The following STXBP5L variants were observed in gnomAD, a reference collection of about 807,000 sequenced individuals.
STXBP5L encodes syntaxin-binding protein 5-like.
STXBP5L carries 65 observed loss-of-function variants against 144.5 expected under a neutral mutation model. The ratio of observed to expected loss-of-function variants is 0.45; its 90% CI spans 0.37 to 0.55. The LOEUF (loss-of-function observed/expected upper bound fraction) is 0.55, where lower values mean the gene tolerates loss of function less well. STXBP5L is among the 20% of genes least tolerant of loss of function. The pLI is 0.00. For missense variants in STXBP5L, 1,298 were observed against 1,405.5 expected (o/e 0.92, Z 1.22); for synonymous variants, 505 against 469.6 (o/e 1.08, Z -0.97).
chr3:120,944,273 A>T (rs1280219783), intron 2 of STXBP5L, among the ~76,000 whole-genome samples: 1 of 151,596 alleles, frequency 6.6e-6, no homozygotes, highest in Non-Finnish European at 1.5e-5. Context: ...AAGAGCAAAA[A>T]ATATTGAAAA....
chr3:120,971,216 T>A (rs1028906989), intron 3 of STXBP5L, among the ~76,000 whole-genome samples: 2 of 152,130 alleles, frequency 1.3e-5, no homozygotes, highest in Admixed American at 1.3e-4. Flanking sequence ...TCAGTTGCTT[T>A]TACAATTTTA....
intron 3 of STXBP5L, among the ~76,000 whole-genome samples, chr3:120,957,390 C>T (rs923667327): frequency 1.3e-5 from 2 of 151,950 alleles, no homozygotes; most frequent in African/African-American, 2.4e-5. Context: ...ATGATTCCCA[C>T]TTGATAATGA....
chr3:121,004,473 A>G lies in STXBP5L; in HGVS notation c.288-37227A>G, dbSNP rs1280240127. On this transcript the variant is annotated intron_variant, in intron 3 of 26. Coordinates refer to ENST00000471454, the MANE Select transcript of STXBP5L (RefSeq NM_001308330.2). ...GGGCTGAGACAATGGGGTTTTCTAG[A>G]TATACAATCATGTCGTCTGCAAACA... 2.6e-5 allele frequency among the ~76,000 whole-genome samples: 4 copies of G among 151,848 alleles called. No homozygotes were observed. The East Asian group carries it at 5.8e-4, about 22-fold the overall frequency.
chr3:120,952,014 A>T (rs1711274275), intron 2 of STXBP5L, among the ~76,000 whole-genome samples: 1 of 151,774 alleles, frequency 6.6e-6, no homozygotes, highest in Non-Finnish European at 1.5e-5. Context: ...AGGGACATGG[A>T]TGAAACTGGA....
chr3:121,296,403 T>C (rs2051650125), intron 19 of STXBP5L, among the ~76,000 whole-genome samples: 2 of 152,148 alleles, frequency 1.3e-5, no homozygotes, highest in Admixed American at 6.5e-5. Flanking sequence ...ATATTTCAAA[T>C]ATAAGTGAAA....
chr3:121,183,637 GGAAAGAAAGAAAAAA>G (rs2047249906), intron 9 of STXBP5L, among the ~76,000 whole-genome samples: 1 of 149,268 alleles, frequency 6.7e-6, no homozygotes, highest in Non-Finnish European at 1.5e-5. Context: ...GAGGGAGGAA[GGAAAGAAAGAAAAAA>G]GAAAGAAAGA....
chr3:120,999,262 A>T (rs1943586746), intron 3 of STXBP5L, among the ~76,000 whole-genome samples: 1 of 152,176 alleles, frequency 6.6e-6, no homozygotes, highest in African/African-American at 2.4e-5. Context: ...CGTGTTGGCC[A>T]GGCTTGTCTT....
chr3:121,026,806 C>A (rs1280853382), intron 3 of STXBP5L, among the ~76,000 whole-genome samples: 1 of 151,734 alleles, frequency 6.6e-6, no homozygotes, highest in Non-Finnish European at 1.5e-5. Context: ...TGTAACAAAC[C>A]TTCACGTTGT....
chr3:121,318,891 G>T (rs1328446371), intron 20 of STXBP5L, among the ~76,000 whole-genome samples: 1 of 152,082 alleles, frequency 6.6e-6, no homozygotes, highest in African/African-American at 2.4e-5. Context: ...GAATTAGTGG[G>T]AAATATACAG....
intron 5 of STXBP5L, among the ~76,000 whole-genome samples, chr3:121,082,509 A>G (rs2042298334): frequency 6.6e-6 from 1 of 152,218 alleles, no homozygotes; most frequent in Non-Finnish European, 1.5e-5. Flanking sequence ...CTTGGGACCC[A>G]TTCCATTGGA....
At chr3:120,941,809 T>C (rs1710581441) in intron 2 of STXBP5L, among the ~76,000 whole-genome samples, 1 of 151,708 alleles carries the variant, frequency 6.6e-6, no homozygotes, top group Non-Finnish European at 1.5e-5. Flanking sequence ...GTTTAGAACT[T>C]ATTTGGGGAG....
intron 7 of STXBP5L, among the ~76,000 whole-genome samples, chr3:121,143,386 C>T (rs1243082031): frequency 6.6e-6 from 1 of 150,604 alleles, no homozygotes; most frequent in Admixed American, 6.6e-5. Flanking sequence ...GAAAATAAAA[C>T]TGTAGGTGAA....
At chr3:121,144,573 T>G (rs895216702) in intron 7 of STXBP5L, among the ~76,000 whole-genome samples, 18 of 151,838 alleles carry the variant, frequency 1.2e-4, no homozygotes, top group African/African-American at 4.3e-4. Flanking sequence ...CCTCAAAAAA[T>G]TAAAAATAGA....
At chr3:121,090,101 C>A (rs973312600) in intron 5 of STXBP5L, among the ~76,000 whole-genome samples, 1 of 152,016 alleles carries the variant, frequency 6.6e-6, no homozygotes, top group Admixed American at 6.6e-5. Flanking sequence ...TGAGGTTTTT[C>A]TATTTCCTAT....
intron 9 of STXBP5L, among the ~76,000 whole-genome samples, chr3:121,176,275 A>T (rs75363451): frequency 0.016 from 2,426 of 152,100 alleles, 34 homozygotes; most frequent in Middle Eastern, 0.061. Flanking sequence ...GAAATGGGAC[A>T]CTAATCCAAA....
At chr3:121,171,281 C>G (rs954714059) in intron 9 of STXBP5L, among the ~76,000 whole-genome samples, 1 of 152,166 alleles carries the variant, frequency 6.6e-6, no homozygotes, top group African/African-American at 2.4e-5. Flanking sequence ...TAAGCATTCC[C>G]TTTGAAAACT....
chr3:121,007,221 A>G (rs1287554967), intron 3 of STXBP5L, among the ~76,000 whole-genome samples: 2 of 152,086 alleles, frequency 1.3e-5, no homozygotes, highest in Non-Finnish European at 2.9e-5. Flanking sequence ...GTTACTTTAC[A>G]TTTCTGTGAT....
At chr3:121,370,363 G>A (rs141672613) in intron 20 of STXBP5L, among the ~76,000 whole-genome samples, 392 of 152,192 alleles carry the variant, frequency 2.6e-3, no homozygotes, top group Non-Finnish European at 3.8e-3. Context: ...GGGAGACTCC[G>A]TCTCAAAAAA....
intron 9 of STXBP5L, among the ~76,000 whole-genome samples, chr3:121,164,469 A>G (rs997490287): frequency 6.6e-6 from 1 of 152,204 alleles, no homozygotes; most frequent in Non-Finnish European, 1.5e-5. Flanking sequence ...ATGGAAAACT[A>G]ATAGGGTATG....
Sources: allele counts gnomAD v4.1 joint callset (sites outside exome capture counted in the v4.1 genomes callset), GRCh38; gene constraint gnomAD v4.1.1; transcripts MANE v1.5; gene names NCBI Gene and HGNC (gene_info 2026-07-23, HGNC 2026-07-21).